Variants in RBFOX1 observed in about 807,000 individuals in gnomAD.
The protein encoded by RBFOX1 is RNA binding protein fox-1 homolog 1.
Under a neutral mutation model 57.7 loss-of-function variants are expected in RBFOX1, and 8 were observed. The observed-to-expected ratio is 0.14, with a 90% CI of 0.08 to 0.25. The LOEUF (loss-of-function observed/expected upper bound fraction) is 0.25, where lower values mean the gene tolerates loss of function less well. Ranked by LOEUF, RBFOX1 falls within the 10% of genes least tolerant of loss-of-function variation. The probability of loss-of-function intolerance (pLI) is 1.00; values close to 1 mark genes in which losing one functional copy is unlikely to be tolerated. For synonymous variants in RBFOX1, 326 were observed against 222.4 expected (o/e 1.47, Z -4.15); for missense variants, 611 against 548.5 (o/e 1.11, Z -1.14).
chr16:6,959,855 T>G (rs1265632917), intron 3 of RBFOX1, among the ~76,000 whole-genome samples: 1 of 152,140 alleles, frequency 6.6e-6, no homozygotes, highest in East Asian at 1.9e-4. Flanking sequence ...GAGAATCGCT[T>G]GAACCTAGGA....
At chr16:5,556,588 G>C (rs1376351389) in intron 2 of RBFOX1, among the ~76,000 whole-genome samples, 1 of 152,182 alleles carries the variant, frequency 6.6e-6, no homozygotes, top group Non-Finnish European at 1.5e-5. Flanking sequence ...ATGTTTACTG[G>C]GGTTGCTGGC....
chr16:7,472,196 A>T (rs1218805299), intron 4 of RBFOX1, among the ~76,000 whole-genome samples: 3 of 152,226 alleles, frequency 2.0e-5, no homozygotes, highest in Non-Finnish European at 4.4e-5. Flanking sequence ...TAAGAGATAG[A>T]AAGATATAGA....
At chr16:6,439,352 A>G (rs2094317984) in intron 2 of RBFOX1, among the ~76,000 whole-genome samples, 2 of 152,294 alleles carry the variant, frequency 1.3e-5, no homozygotes, top group Non-Finnish European at 2.9e-5. Context: ...TCCTTTCCCC[A>G]GGAGTGTCAC....
At chr16:7,365,407 A>G (rs569653223) in intron 4 of RBFOX1, among the ~76,000 whole-genome samples, 8 of 152,206 alleles carry the variant, frequency 5.3e-5, no homozygotes, top group Non-Finnish European at 1.2e-4. Flanking sequence ...AGGCAGGACA[A>G]AAGAACCTTG....
chr16:6,453,708 A>G (rs922020052), intron 2 of RBFOX1, among the ~76,000 whole-genome samples: 1 of 152,150 alleles, frequency 6.6e-6, no homozygotes, highest in African/African-American at 2.4e-5. Flanking sequence ...TTCTAAGCTT[A>G]TTGGTTTCAC....
At chr16:7,698,354 C>T (rs1383380737) in intron 14 of RBFOX1, among the ~76,000 whole-genome samples, 4 of 151,962 alleles carry the variant, frequency 2.6e-5, no homozygotes, top group African/African-American at 7.3e-5. Flanking sequence ...GGGACACAAC[C>T]ATGTGGGGTG....
intron 3 of RBFOX1, among the ~76,000 whole-genome samples, chr16:5,826,256 T>C (rs994837838): frequency 3.3e-5 from 5 of 152,022 alleles, no homozygotes; most frequent in South Asian, 2.1e-4. Flanking sequence ...CTTAGCACTT[T>C]TTATCTAACA....
In RBFOX1 at chr16:7,134,100, TA is replaced by T. The variant is rs2152015349; in HGVS notation, c.27+82006del. On this transcript the variant is annotated intron_variant, in intron 4 of 15. Transcript: ENST00000550418. ...GCACTTGGCAGTTTGTTATGCTGTATAAAATTGACTGCCCTGCAAATACAAT... is the reference window on the plus strand; with the variant it reads ...GCACTTGGCAGTTTGTTATGCTGTATAAATTGACTGCCCTGCAAATACAAT... Among the ~76,000 whole-genome samples, 3 of 152,312 alleles carry T rather than the reference TA, an allele frequency of 2.0e-5. No homozygotes were observed. In the South Asian group the frequency reaches 6.2e-4, roughly 32 times the overall value.
At chr16:7,317,878 G>T (rs149587372) in intron 4 of RBFOX1, among the ~76,000 whole-genome samples, 1 of 152,176 alleles carries the variant, frequency 6.6e-6, no homozygotes, top group Non-Finnish European at 1.5e-5. Context: ...AGTATGGCAC[G>T]AGCTAGTTTG....
At chr16:5,668,865 A>G (rs1381442532) in intron 3 of RBFOX1, among the ~76,000 whole-genome samples, 3 of 152,188 alleles carry the variant, frequency 2.0e-5, no homozygotes, top group Non-Finnish European at 4.4e-5. Context: ...CTCCTTCAGC[A>G]TTAGATTCTC....
chr16:6,593,378 A>G (rs1461884177), intron 2 of RBFOX1, among the ~76,000 whole-genome samples: 6 of 152,198 alleles, frequency 3.9e-5, no homozygotes, highest in Non-Finnish European at 1.5e-5. Context: ...TCACAGAGAA[A>G]AAATAATGAT....
At chr16:5,885,566 A>C (rs562136051) in intron 4 of RBFOX1, among the ~76,000 whole-genome samples, 1 of 152,232 alleles carries the variant, frequency 6.6e-6, no homozygotes, top group African/African-American at 2.4e-5. Context: ...AGTGATGGGT[A>C]AGAGTGTTTG....
intron 4 of RBFOX1, among the ~76,000 whole-genome samples, chr16:7,168,123 T>C (rs961659115): frequency 2.8e-4 from 43 of 152,202 alleles, no homozygotes; most frequent in Admixed American, 1.4e-3. Flanking sequence ...GCAAAATGGT[T>C]TTCCGTCTGT....
intron 4 of RBFOX1, among the ~76,000 whole-genome samples, chr16:7,092,887 C>A (rs1365628322): frequency 6.6e-6 from 1 of 152,112 alleles, no homozygotes; most frequent in Non-Finnish European, 1.5e-5. Flanking sequence ...CTTCTTTCCG[C>A]CTTGGTGCAC....
chr16:5,304,561 A>T (rs1454778557), intron 1 of RBFOX1, among the ~76,000 whole-genome samples: 1 of 152,186 alleles, frequency 6.6e-6, no homozygotes, highest in Non-Finnish European at 1.5e-5. Context: ...GTGTTCACCC[A>T]TTCATTCATT....
At chr16:5,624,193 G>T (rs1567312844) in intron 3 of RBFOX1, among the ~76,000 whole-genome samples, 1 of 152,142 alleles carries the variant, frequency 6.6e-6, no homozygotes, top group Non-Finnish European at 1.5e-5. Context: ...TGACTCTCCT[G>T]CTACCCAGAG....
chr16:5,943,250 C>G (rs1164268364), intron 4 of RBFOX1, among the ~76,000 whole-genome samples: 1 of 152,168 alleles, frequency 6.6e-6, no homozygotes, highest in African/African-American at 2.4e-5. Flanking sequence ...GTTTTCCCAG[C>G]CCATCACAGG....
At position 6,779,036 on chromosome 16, in the gene RBFOX1, T is replaced by TAAC. The variant is rs537999994; in HGVS notation, c.-16+124386_-16+124387insAAC. ...AAACATTCCAAAACTACTACTCTAG[T>TAAC]TATTTTGAAATATACAATGCATTAT... On this transcript the variant is annotated intron_variant, in intron 3 of 15. Transcript: ENST00000550418. Among the ~76,000 whole-genome samples, 59 of 152,206 alleles carry TAAC rather than the reference T, an allele frequency of 3.9e-4. 1 individual carries two copies. The highest frequency in any genetic ancestry group is 1.4e-3 in the African/African-American group (58 of 41,562).
At chr16:6,644,552 CT>C (rs969433329) in intron 2 of RBFOX1, among the ~76,000 whole-genome samples, 1 of 152,164 alleles carries the variant, frequency 6.6e-6, no homozygotes, top group Non-Finnish European at 1.5e-5. Flanking sequence ...CCTGTATTTC[CT>C]ATGAAAAGCT....
Sources: allele counts gnomAD v4.1 joint callset (sites outside exome capture counted in the v4.1 genomes callset), GRCh38; gene constraint gnomAD v4.1.1; transcripts MANE v1.5; gene names NCBI Gene and HGNC (gene_info 2026-07-23, HGNC 2026-07-21).